Variants in MTHFD1L observed in about 807,000 individuals in gnomAD.
MTHFD1L encodes monofunctional C1-tetrahydrofolate synthase, mitochondrial.
Under a neutral mutation model 119.5 loss-of-function variants are expected in MTHFD1L, and 81 were observed. The observed-to-expected ratio is 0.68, with a 90% CI of 0.57 to 0.82. MTHFD1L has a LOEUF of 0.82. Among genes scored for constraint, MTHFD1L ranks in the 40% least tolerant of loss-of-function variants. The pLI is 0.00. For missense variants in MTHFD1L, 1,125 were observed against 1,253.4 expected, an observed-to-expected ratio of 0.90 and a Z score of 1.55; for synonymous variants, 430 against 475.2, an observed-to-expected ratio of 0.90 and a Z score of 1.24.
chr6:150,926,152 A>G lies in MTHFD1L; in HGVS notation c.1113A>G (p.Pro371=). The G allele has an allele frequency of 6.2e-7, 1 of 1,614,042 alleles. No individual in the cohort carries two copies. Among genetic ancestry groups the G allele is most frequent in the Non-Finnish European group, 8.5e-7 (1 of 1,179,946 alleles). The change falls in exon 11 of 28, where the codon CCA becomes CCG. Residue 371 remains proline (P), a synonymous_variant. Transcript: ENST00000367321. The surrounding 1 kb of genome is among the most constrained non-coding windows in gnomAD (Gnocchi z 4.3). ...TTGAGATTTCAAGAGGACAAACTCC[A>G]AAAGCTGTGGATGTCCTTGCCAAGG... is the stretch of plus-strand genomic sequence containing the variant. The part of the protein sequence containing the change: ...SDIEISRGQT[P]KAVDVLAKEI...
chr6:151,082,625 A>G (rs548357167), intron 26 of MTHFD1L, among the ~76,000 whole-genome samples: 35 of 152,252 alleles, frequency 2.3e-4, no homozygotes, highest in South Asian at 6.2e-4. Context: ...ATCTTAAATA[A>G]TTTACAACTC....
chr6:150,979,003 GC>G (rs535227911), intron 20 of MTHFD1L, among the ~76,000 whole-genome samples: 1 of 152,188 alleles, frequency 6.6e-6, no homozygotes, highest in Non-Finnish European at 1.5e-5. Context: ...ACTTTGGGAG[GC>G]CGAGGTGGGT....
Position 150,899,094 on chromosome 6 carries a change from A to G in MTHFD1L, c.781-6556A>G, listed in dbSNP as rs1387529975. On this transcript the variant is annotated intron_variant, in intron 7 of 27. Transcript: ENST00000367321. Reference sequence around the variant, plus strand: ...TTGTCTTTTCTAGCATTTTGGACACAACTAAATATCTTTGATATTTTCTTC... The same window carrying G: ...TTGTCTTTTCTAGCATTTTGGACACGACTAAATATCTTTGATATTTTCTTC... 6 of 595,750 alleles carry G rather than the reference A, an allele frequency of 1.0e-5. 1 individual carries two copies. The highest frequency in any genetic ancestry group is 1.3e-5 in the Non-Finnish European group (6 of 471,192). 36.9% of individuals were successfully genotyped at this position (595,750 alleles called of 1,614,324 possible).
Position 151,062,806 on chromosome 6 carries a change from G to A in MTHFD1L, c.2847+25689G>A, listed in dbSNP as rs182724194. Among the ~76,000 whole-genome samples, 95 of 147,966 alleles carry A rather than the reference G, an allele frequency of 6.4e-4. 1 individual carries two copies. The highest frequency in any genetic ancestry group is 6.4e-3 in the Admixed American group (92 of 14,360). On this transcript the variant is annotated intron_variant, in intron 26 of 27. Transcript: ENST00000367321. ...TTCATTCTTGGATGGCCTTTAACTTGGATAGAAGGATACAAGACAGCCATA... is the reference window on the plus strand; with the variant it reads ...TTCATTCTTGGATGGCCTTTAACTTAGATAGAAGGATACAAGACAGCCATA...
At chr6:151,046,831 C>A (rs879442775) in intron 26 of MTHFD1L, among the ~76,000 whole-genome samples, 9 of 152,040 alleles carry the variant, frequency 5.9e-5, no homozygotes, top group African/African-American at 2.2e-4. Flanking sequence ...AGCCAGGCCA[C>A]CCTCAGAGTC....
At chr6:151,077,774 A>G (rs1792689322) in intron 26 of MTHFD1L, among the ~76,000 whole-genome samples, 1 of 151,506 alleles carries the variant, frequency 6.6e-6, no homozygotes, top group Admixed American at 6.6e-5. Context: ...TCAAAATTCA[A>G]GGAAAATGGC....
At chr6:151,015,086 A>G (rs1309949370) in intron 23 of MTHFD1L, 106 bp downstream of exon 23, 3 of 829,890 alleles carry the variant, frequency 3.6e-6, no homozygotes, top group African/African-American at 1.7e-5. Context: ...ATCTAAAAGT[A>G]TACAGAAATA....
At chr6:151,087,140 T>C (rs552729931) in intron 26 of MTHFD1L, among the ~76,000 whole-genome samples, 24 of 152,026 alleles carry the variant, frequency 1.6e-4, no homozygotes, top group Admixed American at 5.9e-4. Flanking sequence ...TCCCAGCTAT[T>C]TGGGAGGCTG....
intron 26 of MTHFD1L, among the ~76,000 whole-genome samples, chr6:151,066,127 A>G (rs1182354613): frequency 1.3e-5 from 2 of 152,220 alleles, no homozygotes; most frequent in Non-Finnish European, 2.9e-5. Flanking sequence ...TTTAAAAACA[A>G]TGTTTTGGCT....
At chr6:151,033,673 A>C (rs1785682628) in intron 24 of MTHFD1L, among the ~76,000 whole-genome samples, 1 of 152,100 alleles carries the variant, frequency 6.6e-6, no homozygotes, top group South Asian at 2.1e-4. Context: ...GACTTCTCAT[A>C]ATTTGCTTAA....
At chr6:150,868,897 G>GTAAAAAATTT (rs1302881128) in intron 1 of MTHFD1L, among the ~76,000 whole-genome samples, 2 of 151,944 alleles carry the variant, frequency 1.3e-5, no homozygotes, top group African/African-American at 4.8e-5. Flanking sequence ...ACCCATCTCT[G>GTAAAAAATTT]TAAAAAATTT....
intron 7 of MTHFD1L, among the ~76,000 whole-genome samples, chr6:150,902,902 G>A (rs898705062): frequency 1.3e-5 from 2 of 152,108 alleles, no homozygotes; most frequent in Non-Finnish European, 2.9e-5. Flanking sequence ...TTGTTTTACC[G>A]TGTTCTGGTT....
intron 7 of MTHFD1L, among the ~76,000 whole-genome samples, chr6:150,895,753 G>A (rs958717216): frequency 2.0e-5 from 3 of 151,832 alleles, no homozygotes; most frequent in Non-Finnish European, 4.4e-5. Flanking sequence ...ACATGTGAAA[G>A]GATGACTTCT....
intron 20 of MTHFD1L, among the ~76,000 whole-genome samples, chr6:150,994,783 G>A (rs958415525): frequency 1.3e-5 from 2 of 152,142 alleles, no homozygotes; most frequent in Non-Finnish European, 2.9e-5. Context: ...CTTCATATTA[G>A]ATTAGTTGAA....
At chr6:151,082,189 C>G (rs766674814) in intron 26 of MTHFD1L, among the ~76,000 whole-genome samples, 1 of 152,118 alleles carries the variant, frequency 6.6e-6, no homozygotes, top group Non-Finnish European at 1.5e-5. Context: ...ATGAGTATGT[C>G]GCAAAAACTC....
rs752988453 is a variant in MTHFD1L at position 150,960,429 on chromosome 6, A to G, written c.1944+14A>G. On this transcript the variant is annotated intron_variant, in intron 18 of 27. Transcript: ENST00000367321. ...GCAGATGATTTGGTGAGTGTTTCCA[A>G]CTCGGAAGCTTCAGGGAGTGGACGG... The G allele has an allele frequency of 6.2e-7, 1 of 1,600,198 alleles. No individual in the cohort carries two copies. Among genetic ancestry groups the G allele is most frequent in the South Asian group, 1.1e-5 (1 of 89,312 alleles).
chr6:150,954,615 G>A (rs1442156491), intron 16 of MTHFD1L, among the ~76,000 whole-genome samples: 1 of 152,010 alleles, frequency 6.6e-6, no homozygotes, highest in Non-Finnish European at 1.5e-5. Flanking sequence ...CTTGATCCCA[G>A]GAGGCGAAGG....
At chr6:150,981,585 G>C (rs1777504420) in intron 20 of MTHFD1L, among the ~76,000 whole-genome samples, 1 of 152,090 alleles carries the variant, frequency 6.6e-6, no homozygotes, top group Non-Finnish European at 1.5e-5. Flanking sequence ...TCTGTAAATG[G>C]CAAGATCATA....
intron 24 of MTHFD1L, among the ~76,000 whole-genome samples, chr6:151,019,153 C>G (rs1160300799): frequency 6.6e-6 from 1 of 151,324 alleles, no homozygotes; most frequent in East Asian, 1.9e-4. Flanking sequence ...TTGGCACATG[C>G]CAGAGCCTTT....
Sources: allele counts gnomAD v4.1 joint callset (sites outside exome capture counted in the v4.1 genomes callset), GRCh38; gene constraint gnomAD v4.1.1; non-coding constraint Gnocchi (gnomAD v3.1); transcripts MANE v1.5; gene names NCBI Gene and HGNC (gene_info 2026-07-23, HGNC 2026-07-21).